The following SLC2A7 variants were observed in gnomAD, a reference collection of about 807,000 sequenced individuals.
The protein encoded by SLC2A7 is solute carrier family 2, facilitated glucose transporter member 7.
A neutral mutation model predicts 50.5 loss-of-function variants in SLC2A7; 50 were observed. The observed-to-expected ratio is 0.99, with a 90% CI of 0.79 to 1.25. SLC2A7 has a LOEUF of 1.25. SLC2A7 is among the 50% of genes most tolerant of loss of function. The pLI, the probability that SLC2A7 is intolerant of heterozygous loss-of-function variation, is 0.00. For missense variants in SLC2A7, 683 were observed against 679.1 expected (o/e 1.01, Z -0.06); for synonymous variants, 308 against 300.4 (o/e 1.03, Z -0.26).
intron 1 of SLC2A7, among the ~76,000 whole-genome samples, chr1:9,025,363 G>A (rs1228527205): frequency 2.6e-5 from 4 of 152,212 alleles, no homozygotes; most frequent in Non-Finnish European, 5.9e-5. Context: ...TAGGAAAAAG[G>A]CCCAGCAAAG....
At chr1:8,996,110 A>G in the SLC2A7 span, among the ~76,000 whole-genome samples, 1 of 152,194 alleles carries the variant, frequency 6.6e-6, no homozygotes, top group African/African-American at 2.4e-5. Context: ...TAAACTGTAC[A>G]TGTGATATTT....
At chr1:9,004,347 A>AAAAAAAAAAATAAT in intron 11 of SLC2A7, among the ~76,000 whole-genome samples, 1 of 151,510 alleles carries the variant, frequency 6.6e-6, no homozygotes, top group South Asian at 2.1e-4. Context: ...AAAAAAAAAA[A>AAAAAAAAAAATAAT]GACTGCTTAA....
chr1:9,005,126 G>A (rs1640636014), intron 10 of SLC2A7, among the ~76,000 whole-genome samples: 1 of 152,222 alleles, frequency 6.6e-6, no homozygotes, highest in South Asian at 2.1e-4. Flanking sequence ...CTTCTTCAAG[G>A]CCAATGACGC....
At chr1:9,005,805 G>GA (rs913376150) in intron 10 of SLC2A7, among the ~76,000 whole-genome samples, 5 of 150,470 alleles carry the variant, frequency 3.3e-5, no homozygotes, top group East Asian at 3.9e-4. Flanking sequence ...AAAAAAGAAG[G>GA]AAAAAAAGAA....
chr1:9,001,100 A>C (rs908529548), downstream of SLC2A7, among the ~76,000 whole-genome samples: 2 of 152,142 alleles, frequency 1.3e-5, no homozygotes, highest in Non-Finnish European at 2.9e-5. Context: ...TAATATGCAA[A>C]GTGACAAGCA....
chr1:9,015,336 C>T, intron 5 of SLC2A7, 94 bp from the exon 6 acceptor site: 1 of 1,426,398 alleles, frequency 7.0e-7, no homozygotes, highest in Non-Finnish European at 9.2e-7. Flanking sequence ...ATGTGTGAAC[C>T]AAGGACTGTG....
Position 9,010,242 on chromosome 1 carries a change from A to C in SLC2A7, c.1017T>G (p.Ala339=). ...VVNIVMTITS[A]VLVERLGRRH... is the part of the protein sequence containing the mutation. Reference sequence around the variant, plus strand: ...GCCGTCCCAGCCGCTCCACAAGGACAGCCTGGAGGGGAAGGGGGACAGTGA... The same window carrying C: ...GCCGTCCCAGCCGCTCCACAAGGACCGCCTGGAGGGGAAGGGGGACAGTGA... The change falls in exon 9 of 12, where the codon GCT becomes GCG. Residue 339 remains alanine (A), a splice_region_variant and synonymous_variant. Coordinates refer to ENST00000400906, the MANE Select transcript of SLC2A7 (RefSeq NM_207420.3). 2 of 1,550,818 alleles carry C rather than the reference A, an allele frequency of 1.3e-6. No individual in the cohort carries two copies. The highest frequency in any genetic ancestry group is 1.7e-6 in the Non-Finnish European group (2 of 1,146,828).
At chr1:9,011,216 C>A (rs999250994) in intron 8 of SLC2A7, among the ~76,000 whole-genome samples, 1 of 152,266 alleles carries the variant, frequency 6.6e-6, no homozygotes, top group Non-Finnish European at 1.5e-5. Context: ...CCTGACCAAC[C>A]CTGGGGCTTC....
intron 10 of SLC2A7, among the ~76,000 whole-genome samples, chr1:9,005,578 C>A (rs113599473): frequency 6.6e-6 from 1 of 152,060 alleles, no homozygotes; most frequent in African/African-American, 2.4e-5. Flanking sequence ...GGTCCGGTCT[C>A]ACAGATCACT....
rs542527528 is a variant in SLC2A7, at chr1:9,019,190, G to C, written c.436+19C>G. On this transcript the variant is annotated intron_variant, in intron 4 of 11. Transcript: ENST00000400906. The stretch of plus-strand genomic sequence containing the variant: ...AGACCCTTCCCCCAAGGCTGAGCCG[G>C]AGCCTGGGCCCCAGGTACCTGCACA... The C allele has an allele frequency of 4.0e-5, 64 of 1,612,142 alleles. 1 individual carries two copies. In the South Asian group the frequency reaches 6.8e-4, roughly 17 times the overall value.
chr1:9,025,614 G>A (rs1035857429), intron 1 of SLC2A7, among the ~76,000 whole-genome samples: 1 of 152,168 alleles, frequency 6.6e-6, no homozygotes, highest in Non-Finnish European at 1.5e-5. Flanking sequence ...AGCTGTGTAA[G>A]CATCGGGGGG....
downstream of SLC2A7, among the ~76,000 whole-genome samples, chr1:9,002,946 T>C (rs60424080): frequency 0.048 from 7,263 of 152,294 alleles, 568 homozygotes; most frequent in African/African-American, 0.16. Flanking sequence ...ATTGATGCAA[T>C]GACGGCAGCT....
Position 9,008,919 on chromosome 1 carries a change from T to C in SLC2A7, c.1116+1224A>G, listed in dbSNP as rs1293194881. ...CTGAGAACTTATACTGGTTTTAAAA[T>C]TAAAGAAGAAAGTTCTTTCCGAGGG... On this transcript the variant is annotated intron_variant, in intron 9 of 11. Transcript: ENST00000400906. The surrounding 1 kb of genome is among the most constrained non-coding windows in gnomAD (Gnocchi z 5.9). Among the ~76,000 whole-genome samples the C allele has an allele frequency of 5.3e-5, 8 of 152,346 alleles. No individual in the cohort carries two copies. In the East Asian group the frequency reaches 1.4e-3, roughly 26 times the overall value.
At chr1:9,023,186 A>G in intron 2 of SLC2A7, 108 bp from the exon 3 acceptor site, 1 of 1,200,998 alleles carries the variant, frequency 8.3e-7, no homozygotes, top group Admixed American at 2.2e-5. Context: ...TTTTCTGCTA[A>G]CACCTATAAG....
chr1:9,010,928 T>C (rs976941574), intron 8 of SLC2A7, among the ~76,000 whole-genome samples: 5 of 152,230 alleles, frequency 3.3e-5, no homozygotes, highest in Admixed American at 2.0e-4. Context: ...AACAAACCGC[T>C]GTCTGGGAGT....
At chr1:8,997,948 T>C in the SLC2A7 span, among the ~76,000 whole-genome samples, 1 of 152,244 alleles carries the variant, frequency 6.6e-6, no homozygotes, top group Admixed American at 6.5e-5. Flanking sequence ...AGAAGTTTTA[T>C]AATTTAAGGT....
rs1341433935 is a variant in SLC2A7 at position 9,008,091 on chromosome 1, C to T, written c.1117-706G>A. Among the ~76,000 whole-genome samples the T allele has an allele frequency of 3.9e-5, 6 of 152,216 alleles. No individual in the cohort carries two copies. Among genetic ancestry groups the T allele is most frequent in the Admixed American group, 3.3e-4 (5 of 15,286 alleles). On this transcript the variant is annotated intron_variant, in intron 9 of 11. Coordinates refer to ENST00000400906, the MANE Select transcript of SLC2A7 (RefSeq NM_207420.3). The surrounding 1 kb of genome is among the most constrained non-coding windows in gnomAD (Gnocchi z 5.9). ...AGGACCCCCGGACCCGTGGAGCTGGCAGACCACCATCTCTGCTCCCAACTG... is the reference window on the plus strand; with the variant it reads ...AGGACCCCCGGACCCGTGGAGCTGGTAGACCACCATCTCTGCTCCCAACTG...
intron 8 of SLC2A7, among the ~76,000 whole-genome samples, chr1:9,012,233 A>C (rs968528478): frequency 1.9e-4 from 29 of 152,168 alleles, no homozygotes; most frequent in Non-Finnish European, 4.3e-4. Flanking sequence ...AAATACTGTC[A>C]ATTTCCTGCT....
chr1:9,019,414 CAGT>C, intron 3 of SLC2A7, 81 bp from the exon 4 acceptor site: 1 of 1,570,298 alleles, frequency 6.4e-7, no homozygotes, highest in Non-Finnish European at 8.6e-7. Context: ...ATTCTGCGGG[CAGT>C]CACTACAGAG....
Sources: gnomAD v4.1 joint callset for allele counts (sites outside exome capture counted in the v4.1 genomes callset) on GRCh38, gnomAD v4.1.1 for gene constraint, Gnocchi (gnomAD v3.1) non-coding constraint, MANE v1.5 for transcripts, NCBI Gene and HGNC (gene_info 2026-07-23, HGNC 2026-07-21) for gene names.